Variants in NOSIP observed in about 807,000 individuals in gnomAD.
The protein encoded by NOSIP is nitric oxide synthase-interacting protein.
In NOSIP, 25 loss-of-function variants were observed where a neutral mutation model predicts 36.4. The ratio of observed to expected loss-of-function variants is 0.69; its 90% CI spans 0.50 to 0.96. The LOEUF is 0.96. Ranked by LOEUF, NOSIP falls within the 40% of genes least tolerant of loss-of-function variation. The pLI is 0.00. For missense variants in NOSIP, 370 were observed against 429.0 expected, an observed-to-expected ratio of 0.86 and a Z score of 1.21; for synonymous variants, 187 against 179.2, an observed-to-expected ratio of 1.04 and a Z score of -0.35.
At chr19:49,579,656 T>C (rs2080599422) in intron 1 of NOSIP, among the ~76,000 whole-genome samples, 1 of 152,210 alleles carries the variant, frequency 6.6e-6, no homozygotes, top group South Asian at 2.1e-4. Context: ...CATAATTAGA[T>C]GTTGTTTGAT....
At chr19:49,558,621 G>C (rs2080289550) in intron 4 of NOSIP, 1 of 431,700 alleles carries the variant, frequency 2.3e-6, no homozygotes, top group Non-Finnish European at 4.3e-6. Context: ...GTCCATAAGG[G>C]AAAGTGGGCA....
rs531617257 is a variant in NOSIP at position 49,577,377 on chromosome 19, C to T, written c.-2+3138G>A. On this transcript the variant is annotated intron_variant, in intron 1 of 8. Coordinates refer to ENST00000596358, the MANE Select transcript of NOSIP (RefSeq NM_001270960.2). ...ATCGAGACCATCCTGGCCAACATGG[C>T]GAAACCCCATCTCTACTAAAAATAC... Among the ~76,000 whole-genome samples the T allele has an allele frequency of 2.0e-5, 3 of 151,756 alleles. No homozygotes were observed. In the East Asian group the frequency reaches 5.9e-4, roughly 30 times the overall value.
At chr19:49,575,401 A>T (rs1294439888) in intron 1 of NOSIP, among the ~76,000 whole-genome samples, 1 of 152,140 alleles carries the variant, frequency 6.6e-6, no homozygotes, top group Non-Finnish European at 1.5e-5. Flanking sequence ...ACCTTGGGGA[A>T]TTAGGGCTTC....
At position 49,560,305 on chromosome 19, in the gene NOSIP, C is replaced by T. The variant is rs1323871083; in HGVS notation, c.71-266G>A. The T allele has an allele frequency of 1.7e-6, 1 of 576,870 alleles. No homozygotes were observed. The highest frequency in any genetic ancestry group is 2.9e-5 in the East Asian group (1 of 34,284). 35.7% of individuals were successfully genotyped at this position (576,870 alleles called of 1,614,324 possible). Reference sequence around the variant, plus strand: ...GGGCTGACGGCTGACTCCCCTCCACCCTTCTGACTGTGACCAAGCTCAAGT... The same window carrying T: ...GGGCTGACGGCTGACTCCCCTCCACTCTTCTGACTGTGACCAAGCTCAAGT... On this transcript the variant is annotated intron_variant, in intron 2 of 8. Transcript: ENST00000596358. The surrounding 1 kb of genome is among the most constrained non-coding windows in gnomAD (Gnocchi z 4.6).
At chr19:49,580,118 A>C (rs2080606414) in intron 1 of NOSIP, among the ~76,000 whole-genome samples, 1 of 150,828 alleles carries the variant, frequency 6.6e-6, no homozygotes, top group Non-Finnish European at 1.5e-5. Flanking sequence ...CAGTCTGAGA[A>C]ACTGAGGCCA....
At chr19:49,556,068 T>G (rs1599740875) in intron 8 of NOSIP, among the ~76,000 whole-genome samples, 3 of 89,034 alleles carry the variant, frequency 3.4e-5, no homozygotes, top group African/African-American at 1.7e-4. Context: ...GGTGGAGCCG[T>G]GGAGGGCTGG....
Position 49,556,326 on chromosome 19 carries a change from C to T in NOSIP, c.825G>A (p.Val275=), listed in dbSNP as rs2080244775. The T allele has an allele frequency of 6.2e-7, 1 of 1,611,816 alleles. No homozygotes were observed. Among genetic ancestry groups the T allele is most frequent in the Non-Finnish European group, 8.5e-7 (1 of 1,178,930 alleles). Residue 275 remains valine, a synonymous_variant, in exon 8 of 9, where the codon GTG becomes GTA. Coordinates refer to ENST00000596358, the MANE Select transcript of NOSIP (RefSeq NM_001270960.2). ...GDKLTDRDII[V]LQRGGTGFAG... ...GGGGTGGGACTCTTACCCGCTGCAG[C>T]ACGATGATGTCGCGGTCTGTGAGTT...
chr19:49,559,485 G>A (rs2122792829), intron 3 of NOSIP: 1 of 187,862 alleles, frequency 5.3e-6, no homozygotes, highest in Non-Finnish European at 1.1e-5. Flanking sequence ...ACTCCAGCCT[G>A]GGCAACAAAG....
At chr19:49,569,111 C>A (rs1381648523) in intron 1 of NOSIP, among the ~76,000 whole-genome samples, 4 of 149,720 alleles carry the variant, frequency 2.7e-5, no homozygotes, top group Non-Finnish European at 5.9e-5. Flanking sequence ...CTGGGAGGAT[C>A]TTTAAATCAT....
intron 4 of NOSIP, chr19:49,557,682 C>G: frequency 2.0e-6 from 2 of 1,004,844 alleles, no homozygotes; most frequent in Non-Finnish European, 2.4e-6. Flanking sequence ...GTGTTTGGGA[C>G]GGGGGATGTA....
Position 49,571,113 on chromosome 19 carries a change from A to G in NOSIP, c.-2+9402T>C, listed in dbSNP as rs551545032. Among the ~76,000 whole-genome samples, 33 of 151,186 alleles carry G rather than the reference A, an allele frequency of 2.2e-4. No individual in the cohort carries two copies. In the South Asian group the frequency reaches 6.7e-3, roughly 31 times the overall value. On this transcript the variant is annotated intron_variant, in intron 1 of 8. Coordinates refer to ENST00000596358, the MANE Select transcript of NOSIP (RefSeq NM_001270960.2). ...TGCCTCAGACTCCCAAGTAGCTGAGATAACAGGCGCCCACGCCCAGCTAAT... is the reference window on the plus strand; with the variant it reads ...TGCCTCAGACTCCCAAGTAGCTGAGGTAACAGGCGCCCACGCCCAGCTAAT...
chr19:49,576,844 A>T (rs1407095874), intron 1 of NOSIP, among the ~76,000 whole-genome samples: 1 of 144,450 alleles, frequency 6.9e-6, no homozygotes, highest in Admixed American at 7.3e-5. Context: ...AGATCGCACC[A>T]TTGCACTCCA....
chr19:49,580,187 C>G (rs2080607113), intron 1 of NOSIP, among the ~76,000 whole-genome samples: 1 of 151,722 alleles, frequency 6.6e-6, no homozygotes, highest in Admixed American at 6.6e-5. Context: ...TCCCAGTCCA[C>G]TCCTTCCCTT....
intron 1 of NOSIP, among the ~76,000 whole-genome samples, chr19:49,572,406 CTTTTT>C (rs35209614): frequency 1.9e-4 from 19 of 97,942 alleles, no homozygotes; most frequent in African/African-American, 7.6e-4. Flanking sequence ...TGCACCCAGC[CTTTTT>C]TTTTTTTTTT....
chr19:49,559,852 G>T, intron 3 of NOSIP, 82 bp downstream of exon 3: 1 of 981,156 alleles, frequency 1.0e-6, no homozygotes, highest in African/African-American at 1.6e-5. Context: ...TGTGCAGGTG[G>T]CCAGACCCAC....
intron 4 of NOSIP, chr19:49,558,027 C>T: frequency 1.4e-6 from 1 of 693,186 alleles, no homozygotes; most frequent in Non-Finnish European, 1.8e-6. Flanking sequence ...AAGAGGGGGA[C>T]AGACCCACTG....
At chr19:49,575,691 C>G (rs2080542773) in intron 1 of NOSIP, among the ~76,000 whole-genome samples, 1 of 152,142 alleles carries the variant, frequency 6.6e-6, no homozygotes, top group East Asian at 1.9e-4. Context: ...TCCACTCAGC[C>G]CCTGTAGCAT....
In NOSIP at chr19:49,560,247, C is replaced by G. The variant is rs1468302430; in HGVS notation, c.71-208G>C. ...TCAACCCTGGAGGGTGAGAGGCAGA[C>G]AGGCCTGGTCACTGAGTGGCAGCTT... is the stretch of plus-strand genomic sequence containing the variant. On this transcript the variant is annotated intron_variant, in intron 2 of 8. Coordinates refer to ENST00000596358, the MANE Select transcript of NOSIP (RefSeq NM_001270960.2). The surrounding 1 kb of genome is among the most constrained non-coding windows in gnomAD (Gnocchi z 4.6). 1.0e-5 allele frequency: 6 copies of G among 584,588 alleles called. No individual in the cohort carries two copies. In the African/African-American group the frequency reaches 1.1e-4, roughly 11 times the overall value. The allele number at this position is 584,588 out of a possible 1,614,324, so 36.2% of individuals were successfully genotyped here. A position where few individuals can be genotyped will look rare whatever the true frequency, so the allele number is the denominator to read the frequency against.
intron 1 of NOSIP, among the ~76,000 whole-genome samples, chr19:49,576,060 G>A (rs372934271): frequency 1.3e-5 from 2 of 151,748 alleles, no homozygotes; most frequent in East Asian, 2.0e-4. Context: ...GCATGAACCC[G>A]GGAGGTGGAG....
Sources: allele counts gnomAD v4.1 joint callset (sites outside exome capture counted in the v4.1 genomes callset), GRCh38; gene constraint gnomAD v4.1.1; non-coding constraint Gnocchi (gnomAD v3.1); transcripts MANE v1.5; gene names NCBI Gene and HGNC (gene_info 2026-07-23, HGNC 2026-07-21).